PTCHD4: variants seen among roughly 807,000 people sequenced by gnomAD.
PTCHD4 encodes the protein patched domain containing 4, also known as patched domain-containing protein 4.
A neutral mutation model predicts 58.1 loss-of-function variants in PTCHD4; 33 were observed. The observed-to-expected ratio is 0.57, with a 90% CI of 0.43 to 0.76. PTCHD4 has a LOEUF of 0.76. Ranked by LOEUF, PTCHD4 falls within the 30% of genes least tolerant of loss-of-function variation. The pLI, the probability that PTCHD4 is intolerant of heterozygous loss-of-function variation, is 0.00. For missense variants in PTCHD4, 1,058 were observed against 1,027.1 expected (o/e 1.03, Z -0.41); for synonymous variants, 478 against 409.6 (o/e 1.17, Z -2.02).
rs1262682236 is a variant in PTCHD4 at position 47,872,447 on chromosome 6, A to G, written c.*5856T>C. On this transcript the variant is annotated 3_prime_UTR_variant, in exon 5 of 5. Coordinates refer to ENST00000339488, the MANE Select transcript of PTCHD4 (RefSeq NM_001384253.1). ...TTAGACCATGCCATTAGCTGTTGGGAAACCAGAGCTCAGCTACAAATGGCT... is the reference window on the plus strand; with the variant it reads ...TTAGACCATGCCATTAGCTGTTGGGGAACCAGAGCTCAGCTACAAATGGCT... Among the ~76,000 whole-genome samples, 2 of 151,790 alleles carry G rather than the reference A, an allele frequency of 1.3e-5. No homozygotes were observed. The highest frequency in any genetic ancestry group is 3.9e-4 in the East Asian group (2 of 5,118).
chr6:48,075,185 G>T (rs1160170639), intron 1 of PTCHD4, among the ~76,000 whole-genome samples: 3 of 152,132 alleles, frequency 2.0e-5, no homozygotes, highest in Non-Finnish European at 4.4e-5. Context: ...GTACATCAAA[G>T]ATGACTCATG....
At chr6:47,996,332 G>A (rs993067641) in intron 4 of PTCHD4, among the ~76,000 whole-genome samples, 1 of 152,062 alleles carries the variant, frequency 6.6e-6, no homozygotes, top group Non-Finnish European at 1.5e-5. Context: ...AAAATTAGCC[G>A]GGTGTGGTGT....
intron 1 of PTCHD4, among the ~76,000 whole-genome samples, chr6:48,072,241 A>G (rs569157245): frequency 2.0e-5 from 3 of 152,102 alleles, no homozygotes; most frequent in Admixed American, 6.5e-5. Context: ...TATTTTCTCT[A>G]TTTATTCATT....
chr6:48,038,865 C>G (rs964368035), intron 3 of PTCHD4, among the ~76,000 whole-genome samples: 1 of 152,072 alleles, frequency 6.6e-6, no homozygotes, highest in African/African-American at 2.4e-5. Context: ...TTATAGAGAA[C>G]CCAGTGCACC....
intron 4 of PTCHD4, among the ~76,000 whole-genome samples, chr6:47,920,362 T>C (rs897897548): frequency 6.6e-6 from 1 of 152,110 alleles, no homozygotes; most frequent in Non-Finnish European, 1.5e-5. Flanking sequence ...GTGATTTCAT[T>C]AGCTGTAGGG....
intron 4 of PTCHD4, among the ~76,000 whole-genome samples, chr6:47,932,708 C>A (rs562352684): frequency 6.6e-6 from 1 of 152,204 alleles, no homozygotes; most frequent in African/African-American, 2.4e-5. Flanking sequence ...CTGGAGCAAG[C>A]GCAAGGCTAG....
rs1441085849 is a variant in PTCHD4 at position 47,857,055 on chromosome 6, A to G, written c.*21248T>C. 6.6e-6 allele frequency among the ~76,000 whole-genome samples: 1 copy of G among 152,072 alleles called. No homozygotes were observed. Among genetic ancestry groups the G allele is most frequent in the Admixed American group, 6.6e-5 (1 of 15,248 alleles). On this transcript the variant is annotated 3_prime_UTR_variant, in exon 5 of 5. Coordinates refer to ENST00000339488, the MANE Select transcript of PTCHD4 (RefSeq NM_001384253.1). ...TTGGAGCCTTCTGGACCCAGCCCAA[A>G]TAATCTTTTAGAGAAAATTTAGACA...
intron 1 of PTCHD4, among the ~76,000 whole-genome samples, chr6:48,083,183 A>G (rs1011512393): frequency 6.6e-6 from 1 of 150,840 alleles, no homozygotes; most frequent in Non-Finnish European, 1.5e-5. Flanking sequence ...TTTTCACTAG[A>G]TAGGGTATTG....
At chr6:48,053,596 A>G (rs990016946) in intron 3 of PTCHD4, among the ~76,000 whole-genome samples, 1 of 152,188 alleles carries the variant, frequency 6.6e-6, no homozygotes, top group African/African-American at 2.4e-5. Flanking sequence ...CATCAACATA[A>G]TAAATATTTA....
intron 4 of PTCHD4, among the ~76,000 whole-genome samples, chr6:47,982,791 GT>G (rs1767933684): frequency 6.6e-6 from 1 of 152,084 alleles, no homozygotes; most frequent in Non-Finnish European, 1.5e-5. Context: ...CCAGCCGTCT[GT>G]TTTATCTCTT....
At chr6:47,997,445 T>C (rs1018367392) in intron 4 of PTCHD4, among the ~76,000 whole-genome samples, 1 of 152,190 alleles carries the variant, frequency 6.6e-6, no homozygotes, top group African/African-American at 2.4e-5. Flanking sequence ...CTTTATATCA[T>C]TAAATAGAAT....
Position 48,068,765 on chromosome 6 carries a change from A to C in PTCHD4, c.6-124T>G. On this transcript the variant is annotated intron_variant, in intron 2 of 4. Transcript: ENST00000339488. This position sits in a 1 kb window ranked among gnomAD's most constrained non-coding sequence, Gnocchi z 4.2. ...CCCACCCACTCCGCGCTCACCCCAC[A>C]ACCACTCCGCCTGGTCTTTCCCCGG... 1 of 825,262 alleles carries C rather than the reference A, an allele frequency of 1.2e-6. No individual in the cohort carries two copies. The highest frequency in any genetic ancestry group is 1.8e-6 in the Non-Finnish European group (1 of 558,706). The allele number at this position is 825,262 out of a possible 1,614,324, so 51.1% of individuals were successfully genotyped here. A position where few individuals can be genotyped will look rare whatever the true frequency, so the allele number is the denominator to read the frequency against.
At chr6:47,899,378 C>A (rs1470230039) in intron 4 of PTCHD4, among the ~76,000 whole-genome samples, 1 of 152,124 alleles carries the variant, frequency 6.6e-6, no homozygotes, top group Non-Finnish European at 1.5e-5. Context: ...CTGATGGACA[C>A]CAAATGAGAC....
At chr6:47,920,154 G>A (rs1214643299) in intron 4 of PTCHD4, among the ~76,000 whole-genome samples, 1 of 152,186 alleles carries the variant, frequency 6.6e-6, no homozygotes, top group Non-Finnish European at 1.5e-5. Context: ...GACTGCTAGT[G>A]TGGTAACTGA....
At chr6:48,061,659 G>T (rs1764629965) in intron 3 of PTCHD4, among the ~76,000 whole-genome samples, 1 of 152,192 alleles carries the variant, frequency 6.6e-6, no homozygotes, top group Admixed American at 6.5e-5. Flanking sequence ...TGCTCATGCT[G>T]CTGGTCTATA....
chr6:48,082,459 C>T (rs1046995413), intron 1 of PTCHD4, among the ~76,000 whole-genome samples: 2 of 152,144 alleles, frequency 1.3e-5, no homozygotes, highest in African/African-American at 4.8e-5. Context: ...ATTTCTTAAA[C>T]AGATGAAACC....
chr6:48,004,370 G>A (rs1335261770), intron 4 of PTCHD4, among the ~76,000 whole-genome samples: 7 of 152,060 alleles, frequency 4.6e-5, no homozygotes, highest in Middle Eastern at 3.2e-3. Flanking sequence ...ATAGTGATCC[G>A]AGGCTACTAC....
At position 47,916,158 on chromosome 6, in the gene PTCHD4, G is replaced by A. The variant is rs144789486; in HGVS notation, c.899-36222C>T. On this transcript the variant is annotated intron_variant, in intron 4 of 4. Transcript: ENST00000339488. ...GTGGAGTGAGAAGGGACTGTGCAGT[G>A]TGGCTCAAGATAAGAGGATGCTGAT... Among the ~76,000 whole-genome samples the A allele has an allele frequency of 3.2e-3, 484 of 152,224 alleles. 4 individuals carry two copies. Among genetic ancestry groups the A allele is most frequent in the African/African-American group, 0.011 (463 of 41,552 alleles).
intron 4 of PTCHD4, among the ~76,000 whole-genome samples, chr6:47,906,797 C>T (rs1037128647): frequency 1.3e-5 from 2 of 152,300 alleles, no homozygotes; most frequent in African/African-American, 2.4e-5. Context: ...CAGTTTCCCA[C>T]AGAAGGCTCA....
Sources: allele counts gnomAD v4.1 joint callset (sites outside exome capture counted in the v4.1 genomes callset), GRCh38; gene constraint gnomAD v4.1.1; non-coding constraint Gnocchi (gnomAD v3.1); transcripts MANE v1.5; gene names NCBI Gene and HGNC (gene_info 2026-07-23, HGNC 2026-07-21).